Variants in EIF4E1B observed in about 807,000 individuals in gnomAD.
The protein encoded by EIF4E1B is eukaryotic translation initiation factor 4E family member 1B.
Under a neutral mutation model 31.3 loss-of-function variants are expected in EIF4E1B, and 22 were observed. The ratio of observed to expected loss-of-function variants is 0.70; its 90% CI spans 0.50 to 1.00. EIF4E1B has a LOEUF of 1.00. EIF4E1B is among the 50% of genes least tolerant of loss of function. The probability of loss-of-function intolerance (pLI) is 0.00; values close to 1 mark genes in which losing one functional copy is unlikely to be tolerated. For synonymous variants in EIF4E1B, 126 were observed against 120.2 expected, an observed-to-expected ratio of 1.05 and a Z score of -0.31; for missense variants, 290 against 311.6, an observed-to-expected ratio of 0.93 and a Z score of 0.52.
chr5:176,634,352 G>C (rs1047547089), intron 1 of EIF4E1B, among the ~76,000 whole-genome samples: 1 of 152,138 alleles, frequency 6.6e-6, no homozygotes, highest in Admixed American at 6.5e-5. Flanking sequence ...GAAAAGGGTA[G>C]GCAGGAAGGA....
intron 5 of EIF4E1B, 30 bp from the exon 6 acceptor site, chr5:176,644,345 CT>C: frequency 6.4e-7 from 1 of 1,568,842 alleles, no homozygotes. Flanking sequence ...AAAGCCTTGA[CT>C]TTTGGCATGG....
intron 1 of EIF4E1B, among the ~76,000 whole-genome samples, chr5:176,633,664 G>T (rs1038721078): frequency 3.9e-5 from 6 of 152,202 alleles, no homozygotes; most frequent in Admixed American, 3.3e-4. Flanking sequence ...ACCCAGAAGT[G>T]ATTTCTGTGG....
Position 176,642,772 on chromosome 5 carries a change from A to T in EIF4E1B, c.-16A>T. ...CTTCCCCAGCCCCAGGCCTGCACGAAGAAGGCACTCACTAAATGCTTGCTG... is the reference window on the plus strand; with the variant it reads ...CTTCCCCAGCCCCAGGCCTGCACGATGAAGGCACTCACTAAATGCTTGCTG... On this transcript the variant is annotated 5_prime_UTR_variant, in exon 3 of 9. In the 5' UTR this introduces an upstream ATG that the reference lacks. Transcript: ENST00000318682. 6.4e-7 allele frequency: 1 copy of T among 1,562,138 alleles called. No individual in the cohort carries two copies. The highest frequency in any genetic ancestry group is 8.7e-7 in the Non-Finnish European group (1 of 1,154,356).
intron 3 of EIF4E1B, 60 bp downstream of exon 3, chr5:176,642,862 C>CCT (rs1554151080): frequency 4.7e-6 from 6 of 1,287,064 alleles, no homozygotes; most frequent in Admixed American, 2.7e-5. Context: ...CCCCCCCCCC[C>CCT]CCCGCCCCAG....
Position 176,645,991 on chromosome 5 carries a change from G to A in EIF4E1B, c.*11G>A, listed in dbSNP as rs772964599. On this transcript the variant is annotated 3_prime_UTR_variant, in exon 9 of 9. Transcript: ENST00000318682. The surrounding 1 kb of genome is among the most constrained non-coding windows in gnomAD (Gnocchi z 5.4). ...AAGTTTGTGGTGTGAGGGGGGCCTTGGCACCCCTCCTATGTAATGGGACAG... is the reference window on the plus strand; with the variant it reads ...AAGTTTGTGGTGTGAGGGGGGCCTTAGCACCCCTCCTATGTAATGGGACAG... 6.3e-7 allele frequency: 1 copy of A among 1,587,834 alleles called. No individual in the cohort carries two copies. Among genetic ancestry groups the A allele is most frequent in the Non-Finnish European group, 8.6e-7 (1 of 1,167,216 alleles).
intron 1 of EIF4E1B, among the ~76,000 whole-genome samples, chr5:176,635,932 T>G (rs1181883233): frequency 2.0e-5 from 3 of 152,178 alleles, no homozygotes; most frequent in Non-Finnish European, 4.4e-5. Context: ...TTCTCTTGCC[T>G]CAGCCTCCTG....
chr5:176,643,235 G>A lies in EIF4E1B; in HGVS notation c.169G>A (p.Val57Ile). 1.2e-6 allele frequency: 2 copies of A among 1,612,660 alleles called. No homozygotes were observed. Among genetic ancestry groups the A allele is most frequent in the Non-Finnish European group, 1.7e-6 (2 of 1,179,852 alleles). The change falls in exon 4 of 9, where the codon GTC (valine) becomes ATC (isoleucine). Residue 57 changes from valine (V) to isoleucine (I), a missense_variant. Transcript: ENST00000318682. Reference sequence around the variant, plus strand: ...GGCCCGGACGGGGGGCCCCATGGAAGTCAAGCTGGAGCTGCACCCCTTGCA... The same window carrying A: ...GGCCCGGACGGGGGGCCCCATGGAAATCAAGCTGGAGCTGCACCCCTTGCA... ...GKARTGGPME[V>I]KLELHPLQNR...
chr5:176,637,700 A>G (rs562204076), intron 1 of EIF4E1B, among the ~76,000 whole-genome samples: 1 of 152,274 alleles, frequency 6.6e-6, no homozygotes, highest in African/African-American at 2.4e-5. Context: ...GAAGATCTGC[A>G]TGACTGAAGG....
At chr5:176,632,465 A>T (rs1308687616) in intron 1 of EIF4E1B, among the ~76,000 whole-genome samples, 2 of 152,236 alleles carry the variant, frequency 1.3e-5, no homozygotes, top group East Asian at 3.8e-4. Context: ...CATGTTGGCC[A>T]GGCTGGTCTC....
At position 176,645,544 on chromosome 5, in the gene EIF4E1B, G is replaced by C; in HGVS notation, c.614+28G>C. ...GAGGAGGGTCTCTGGCACAGGGTGG[G>C]GACTTGGGTCTCTGCTAGAGGGAAG... On this transcript the variant is annotated intron_variant, in intron 8 of 8. Coordinates refer to ENST00000318682, the MANE Select transcript of EIF4E1B (RefSeq NM_001099408.2). The surrounding 1 kb of genome is among the most constrained non-coding windows in gnomAD (Gnocchi z 5.4). 1 of 1,503,100 alleles carries C rather than the reference G, an allele frequency of 6.7e-7. No individual in the cohort carries two copies. Among genetic ancestry groups the C allele is most frequent in the Non-Finnish European group, 8.9e-7 (1 of 1,127,700 alleles). 93.1% of individuals were successfully genotyped at this position (1,503,100 alleles called of 1,614,324 possible).
At chr5:176,641,365 C>T (rs962663429) in intron 1 of EIF4E1B, among the ~76,000 whole-genome samples, 4 of 152,072 alleles carry the variant, frequency 2.6e-5, no homozygotes, top group Non-Finnish European at 5.9e-5. Flanking sequence ...TGGAAACATC[C>T]TCAAGCCCAA....
chr5:176,643,096 G>GT lies in EIF4E1B; in HGVS notation c.30_31insT (p.Gly11TrpfsTer66). The GT allele has an allele frequency of 6.2e-7, 1 of 1,612,516 alleles. No individual in the cohort carries two copies. The highest frequency in any genetic ancestry group is 8.5e-7 in the Non-Finnish European group (1 of 1,179,240). ...TTTTGGCTCAGGTGAGTGAAGCTGA[G>GT]GGTGGAATCCGAGAGTGGGAGGAGG... On this transcript the variant is annotated frameshift_variant, in exon 4 of 9. Coordinates refer to ENST00000318682, the MANE Select transcript of EIF4E1B (RefSeq NM_001099408.2). LOFTEE classifies it high-confidence loss of function.
chr5:176,642,845 G>GCCCAC, intron 3 of EIF4E1B, 43 bp downstream of exon 3: 1 of 1,337,130 alleles, frequency 7.5e-7, no homozygotes, highest in Non-Finnish European at 9.6e-7. Flanking sequence ...CCATGGCCCC[G>GCCCAC]CCCTCTCCCC....
At chr5:176,636,149 TTC>T (rs1192359747) in intron 1 of EIF4E1B, among the ~76,000 whole-genome samples, 18 of 152,220 alleles carry the variant, frequency 1.2e-4, no homozygotes, top group Non-Finnish European at 2.1e-4. Context: ...TGCTACATTT[TTC>T]TCTCTTGCTC....
chr5:176,642,870 C>CCCCCCCGGGGGGGGGGGG, intron 3 of EIF4E1B, 68 bp downstream of exon 3: 3 of 1,426,048 alleles, frequency 2.1e-6, no homozygotes, highest in Non-Finnish European at 1.9e-6. Flanking sequence ...CCCCCCGCCC[C>CCCCCCCGGGGGGGGGGGG]AGGTGGGCGG....
chr5:176,640,943 A>G (rs951323686), intron 1 of EIF4E1B, among the ~76,000 whole-genome samples: 10 of 152,100 alleles, frequency 6.6e-5, no homozygotes, highest in Non-Finnish European at 1.5e-4. Context: ...TCTTTGCTCA[A>G]ATACCACCTC....
chr5:176,644,650 G>C, intron 6 of EIF4E1B: 1 of 558,716 alleles, frequency 1.8e-6, no homozygotes, highest in Non-Finnish European at 3.1e-6. Context: ...CTTAAGAGGC[G>C]GGAAGAGGGA....
chr5:176,643,600 C>G, intron 4 of EIF4E1B, 39 bp from the exon 5 acceptor site: 1 of 1,566,986 alleles, frequency 6.4e-7, no homozygotes, highest in Non-Finnish European at 8.7e-7. Flanking sequence ...GGACTTGGCT[C>G]TCTGCTTCCT....
At chr5:176,644,637 G>A in intron 6 of EIF4E1B, 198 bp downstream of exon 6, 1 of 581,282 alleles carries the variant, frequency 1.7e-6, no homozygotes, top group South Asian at 2.4e-5. Flanking sequence ...CACCTTGGAG[G>A]ACCTTAAGAG....
Sources: gnomAD v4.1 joint callset for allele counts (sites outside exome capture counted in the v4.1 genomes callset) on GRCh38, gnomAD v4.1.1 for gene constraint, Gnocchi (gnomAD v3.1) non-coding constraint, MANE v1.5 for transcripts, NCBI Gene and HGNC (gene_info 2026-07-23, HGNC 2026-07-21) for gene names.